Variants in UNKL observed in about 807,000 individuals in gnomAD.
The protein encoded by UNKL is unk like zinc finger.
UNKL carries 60 observed loss-of-function variants against 78.0 expected under a neutral mutation model. The ratio of observed to expected loss-of-function variants is 0.77; its 90% CI spans 0.63 to 0.95. The LOEUF is 0.95. UNKL is among the 40% of genes least tolerant of loss of function. The pLI is 0.00. For synonymous variants in UNKL, 608 were observed against 474.8 expected, an observed-to-expected ratio of 1.28 and a Z score of -3.65; for missense variants, 1,159 against 1,045.7, an observed-to-expected ratio of 1.11 and a Z score of -1.49.
intron 4 of UNKL, among the ~76,000 whole-genome samples, chr16:1,400,150 G>A (rs1419469907): frequency 6.6e-6 from 1 of 152,112 alleles, no homozygotes; most frequent in Non-Finnish European, 1.5e-5. Flanking sequence ...GCCGGACGTG[G>A]TGGCTCACGC....
intron 10 of UNKL, among the ~76,000 whole-genome samples, chr16:1,372,055 G>C (rs2035889472): frequency 2.6e-5 from 4 of 151,442 alleles, no homozygotes; most frequent in South Asian, 2.1e-4. Flanking sequence ...AGGAGATCGA[G>C]ACCATCCTGG....
In UNKL at chr16:1,385,285, G is replaced by A; in HGVS notation, c.1187C>T (p.Ser396Phe). 7.3e-7 allele frequency: 1 copy of A among 1,369,982 alleles called. No homozygotes were observed. The highest frequency in any genetic ancestry group is 9.4e-7 in the Non-Finnish European group (1 of 1,067,332). 84.9% of individuals were successfully genotyped at this position (1,369,982 alleles called of 1,614,324 possible). The change falls in exon 10 of 15, where the codon TCC becomes TTC. Residue 396 changes from serine to phenylalanine, a missense_variant. Transcript: ENST00000389221. ...LASSAGSGSS[S>F]PTALPAPPAR... is the part of the protein sequence containing the mutation. ...GGGGGGCGCGGGCAGCGCAGTGGGG[G>A]AGGAGCTGCCGGAGCCGGCGCTGGA... is the stretch of plus-strand genomic sequence containing the variant.
At chr16:1,402,108 C>T (rs1437896056) in intron 3 of UNKL, among the ~76,000 whole-genome samples, 1 of 152,242 alleles carries the variant, frequency 6.6e-6, no homozygotes, top group Admixed American at 6.5e-5. Context: ...ATTCGCTTTT[C>T]TGCAGCCCCA....
intron 10 of UNKL, 30 bp from the exon 11 acceptor site, chr16:1,371,641 C>T (rs1322241801): frequency 6.5e-7 from 1 of 1,533,016 alleles, no homozygotes; most frequent in Non-Finnish European, 8.7e-7. Context: ...TCATCCACAG[C>T]CCACCCAGCG....
At chr16:1,394,452 G>GCCCT in intron 6 of UNKL, 1 of 680,258 alleles carries the variant, frequency 1.5e-6, no homozygotes, top group South Asian at 1.5e-5. Flanking sequence ...CGCAGCATCT[G>GCCCT]CCCTCCCATC....
chr16:1,398,723 C>A, intron 5 of UNKL: 3 of 1,306,046 alleles, frequency 2.3e-6, no homozygotes, highest in South Asian at 1.3e-5. Flanking sequence ...AGACAGGAGG[C>A]AAGCCAGGCC....
chr16:1,406,773 ACCTACGCCTTAGGT>A (rs750567770), intron 2 of UNKL, among the ~76,000 whole-genome samples: 45 of 152,268 alleles, frequency 3.0e-4, no homozygotes, highest in Admixed American at 6.5e-4. Context: ...TGGAACTTTC[ACCTACGCCTTAGGT>A]CCTAAGGCAT....
intron 2 of UNKL, chr16:1,412,014 A>G (rs2038062483): frequency 6.6e-6 from 1 of 152,194 alleles, no homozygotes; most frequent in South Asian, 2.1e-4. Context: ...AGGTCCCTGG[A>G]GAATCAGCTC....
intron 8 of UNKL, among the ~76,000 whole-genome samples, chr16:1,392,521 G>A (rs1000933067): frequency 6.6e-6 from 1 of 151,876 alleles, no homozygotes; most frequent in Non-Finnish European, 1.5e-5. Flanking sequence ...CACAACCTCC[G>A]TCTCCTGGGT....
At chr16:1,369,356 C>T (rs1389244805) in intron 12 of UNKL, among the ~76,000 whole-genome samples, 4 of 151,030 alleles carry the variant, frequency 2.6e-5, no homozygotes, top group African/African-American at 9.7e-5. Flanking sequence ...CGTGAGCCAC[C>T]ACGCCGGGCC....
rs569034200 is a variant in UNKL, at chr16:1,390,416, C to T, written c.1086+216G>A. Among the ~76,000 whole-genome samples, 7 of 152,302 alleles carry T rather than the reference C, an allele frequency of 4.6e-5. No homozygotes were observed. In the South Asian group the frequency reaches 1.2e-3, roughly 27 times the overall value. ...GTGGCTTTGTTTCCAAGGTATAACA[C>T]GAACGTTTCAAACAGACAAACACGG... On this transcript the variant is annotated intron_variant, in intron 9 of 14. Coordinates refer to ENST00000389221, the MANE Select transcript of UNKL (RefSeq NM_001372107.1).
intron 10 of UNKL, among the ~76,000 whole-genome samples, chr16:1,382,408 C>T (rs929306731): frequency 5.9e-5 from 9 of 152,214 alleles, no homozygotes; most frequent in Non-Finnish European, 1.3e-4. Context: ...CCCATACTCC[C>T]AGCCAGTGAG....
At chr16:1,401,410 G>T (rs187640853) in intron 4 of UNKL, 158 bp downstream of exon 4, 2 of 963,618 alleles carry the variant, frequency 2.1e-6, no homozygotes, top group Non-Finnish European at 2.8e-6. Context: ...CCCACCCCCT[G>T]TTGGGGAGGG....
chr16:1,375,563 C>A (rs755840591), intron 10 of UNKL, among the ~76,000 whole-genome samples: 2 of 152,192 alleles, frequency 1.3e-5, no homozygotes, highest in Non-Finnish European at 2.9e-5. Context: ...GGACGGCACA[C>A]GGCGCATGCG....
chr16:1,369,666 A>T (rs11866615), intron 12 of UNKL, among the ~76,000 whole-genome samples: 1 of 152,232 alleles, frequency 6.6e-6, no homozygotes, highest in African/African-American at 2.4e-5. Context: ...ACTGCACCCG[A>T]CCAAGTGTTA....
chr16:1,400,645 CT>C (rs2037485930), intron 4 of UNKL, among the ~76,000 whole-genome samples: 1 of 151,922 alleles, frequency 6.6e-6, no homozygotes, highest in East Asian at 1.9e-4. Flanking sequence ...CTAAATGCCA[CT>C]GGACTGTACA....
At chr16:1,382,197 TCA>T (rs1334049416) in intron 10 of UNKL, among the ~76,000 whole-genome samples, 12 of 152,338 alleles carry the variant, frequency 7.9e-5, no homozygotes, top group East Asian at 7.7e-4. Flanking sequence ...CATGGAGTAT[TCA>T]CAGTTTTAAA....
rs1765969569 is a variant in UNKL at position 1,367,085 on chromosome 16, G to A, written c.2046+7C>T. The A allele has an allele frequency of 1.9e-6, 3 of 1,542,616 alleles. No homozygotes were observed. Among genetic ancestry groups the A allele is most frequent in the Non-Finnish European group, 2.6e-6 (3 of 1,148,640 alleles). ...TGGCCCCTCACCCTGCCCAGAGCAG[G>A]ACTCACGCCGTCCACCGCCTCCAGG... On this transcript the variant is annotated splice_region_variant and intron_variant, in intron 14 of 14. Coordinates refer to ENST00000389221, the MANE Select transcript of UNKL (RefSeq NM_001372107.1).
At chr16:1,400,694 AT>A (rs200521033) in intron 4 of UNKL, among the ~76,000 whole-genome samples, 32 of 147,194 alleles carry the variant, frequency 2.2e-4, no homozygotes, top group Admixed American at 2.0e-4. Flanking sequence ...TGTATTTTAC[AT>A]TTTTTTTTTT....
Sources: gnomAD v4.1 joint callset for allele counts (sites outside exome capture counted in the v4.1 genomes callset) on GRCh38, gnomAD v4.1.1 for gene constraint, MANE v1.5 for transcripts, NCBI Gene and HGNC (gene_info 2026-07-23, HGNC 2026-07-21) for gene names.